RALYL: variants seen among roughly 807,000 people sequenced by gnomAD.
The protein encoded by RALYL is RNA-binding Raly-like protein.
A neutral mutation model predicts 35.1 loss-of-function variants in RALYL; 29 were observed. That is an observed-to-expected ratio of 0.83 (90% confidence interval 0.61 to 1.13). The LOEUF is 1.13. Ranked by LOEUF, RALYL falls within the 50% of genes most tolerant of loss-of-function variation. The pLI, the probability that RALYL is intolerant of heterozygous loss-of-function variation, is 0.00. For synonymous variants in RALYL, 120 were observed against 127.6 expected, an observed-to-expected ratio of 0.94 and a Z score of 0.40; for missense variants, 359 against 360.4, an observed-to-expected ratio of 1.00 and a Z score of 0.03.
intron 1 of RALYL, among the ~76,000 whole-genome samples, chr8:84,222,170 T>C (rs1822392102): frequency 6.6e-6 from 1 of 152,094 alleles, no homozygotes; most frequent in African/African-American, 2.4e-5. Context: ...AGAGGTAAAT[T>C]ACTATTATGC....
intron 1 of RALYL, among the ~76,000 whole-genome samples, chr8:84,244,073 A>AG (rs1828570076): frequency 6.6e-6 from 1 of 152,076 alleles, no homozygotes; most frequent in South Asian, 2.1e-4. Flanking sequence ...GCTTTGGGGC[A>AG]GGGGCAGGAG....
intron 2 of RALYL, among the ~76,000 whole-genome samples, chr8:84,613,695 A>G (rs1818816817): frequency 6.6e-6 from 1 of 151,516 alleles, no homozygotes; most frequent in African/African-American, 2.4e-5. Context: ...ACAATAATGT[A>G]CAGGGAAAAA....
intron 2 of RALYL, among the ~76,000 whole-genome samples, chr8:84,656,105 G>GT (rs1286249698): frequency 6.6e-6 from 1 of 151,948 alleles, no homozygotes; most frequent in Non-Finnish European, 1.5e-5. Context: ...GTTATTTTTT[G>GT]TTTGTTTTGT....
intron 1 of RALYL, among the ~76,000 whole-genome samples, chr8:84,239,271 T>G (rs1827318709): frequency 6.6e-6 from 1 of 152,180 alleles, no homozygotes; most frequent in African/African-American, 2.4e-5. Flanking sequence ...CATGGACAAC[T>G]CAAATAAAAC....
At chr8:84,605,474 C>G (rs1816902793) in intron 2 of RALYL, among the ~76,000 whole-genome samples, 1 of 152,212 alleles carries the variant, frequency 6.6e-6, no homozygotes. Context: ...AACCTCTGTG[C>G]TCCATTCACC....
At chr8:84,794,094 G>C (rs1038275344) in intron 3 of RALYL, among the ~76,000 whole-genome samples, 2 of 152,132 alleles carry the variant, frequency 1.3e-5, no homozygotes, top group Admixed American at 6.5e-5. Context: ...GAATGGATGG[G>C]GGGCAGCAGG....
chr8:84,550,634 C>A (rs559559990), intron 2 of RALYL, among the ~76,000 whole-genome samples: 2 of 151,036 alleles, frequency 1.3e-5, no homozygotes, highest in Non-Finnish European at 1.5e-5. Flanking sequence ...TTTATAAGAG[C>A]AAAAGTAGGC....
intron 1 of RALYL, among the ~76,000 whole-genome samples, chr8:84,477,936 A>G (rs370382192): frequency 6.6e-6 from 1 of 152,088 alleles, no homozygotes. Context: ...TTTTTAATAG[A>G]TAAGAAATAG....
chr8:84,420,208 T>C (rs1043349445), intron 1 of RALYL, among the ~76,000 whole-genome samples: 14 of 152,046 alleles, frequency 9.2e-5, no homozygotes, highest in African/African-American at 3.4e-4. Flanking sequence ...CCAGCACCTG[T>C]TGTTTCCTGA....
chr8:84,531,463 G>A (rs1018055510), intron 2 of RALYL, among the ~76,000 whole-genome samples: 4 of 152,028 alleles, frequency 2.6e-5, no homozygotes, highest in African/African-American at 9.7e-5. Context: ...AGGAAAGAAA[G>A]GAAGTGCTTT....
chr8:84,828,492 G>A (rs17735712), intron 4 of RALYL: 40,670 of 152,608 alleles, frequency 0.27, 6,048 homozygotes, highest in East Asian at 0.64. Context: ...ACTGGGCTAC[G>A]GCAACAAAAC....
intron 1 of RALYL, among the ~76,000 whole-genome samples, chr8:84,356,384 T>A (rs1482686296): frequency 6.6e-6 from 1 of 150,438 alleles, no homozygotes; most frequent in Non-Finnish European, 1.5e-5. Flanking sequence ...ATCAAGAAGA[T>A]CAAGAGGGTA....
Position 84,839,173 on chromosome 8 carries a change from C to T in RALYL, c.366-10807C>T, listed in dbSNP as rs529652994. Among the ~76,000 whole-genome samples the T allele has an allele frequency of 4.6e-5, 7 of 152,326 alleles. No homozygotes were observed. The South Asian group carries it at 1.5e-3, about 32-fold the overall frequency. Reference sequence around the variant, plus strand: ...TGTGAGCCAAAGCAGGGCGAGGCATCACCTCCCCCGGGAAGTGCAAGAGGT... The same window carrying T: ...TGTGAGCCAAAGCAGGGCGAGGCATTACCTCCCCCGGGAAGTGCAAGAGGT... On this transcript the variant is annotated intron_variant, in intron 4 of 8. Coordinates refer to ENST00000521268, the MANE Select transcript of RALYL (RefSeq NM_173848.7).
chr8:84,463,583 C>T lies in RALYL; in HGVS notation c.-23-65716C>T, dbSNP rs191659981. On this transcript the variant is annotated intron_variant, in intron 1 of 8. Coordinates refer to ENST00000521268, the MANE Select transcript of RALYL (RefSeq NM_173848.7). ...TTGGCATTGTGAAATTCAGATTTAG[C>T]GTGTGTCTGATACATATTAGCTGGT... Among the ~76,000 whole-genome samples the T allele has an allele frequency of 3.9e-5, 6 of 151,998 alleles. No homozygotes were observed. In the East Asian group the frequency reaches 5.8e-4, roughly 15 times the overall value.
At chr8:84,462,341 T>A (rs1428282674) in intron 1 of RALYL, among the ~76,000 whole-genome samples, 1 of 151,550 alleles carries the variant, frequency 6.6e-6, no homozygotes, top group East Asian at 1.9e-4. Flanking sequence ...GACACCAGTC[T>A]CTTTTCGGAT....
chr8:84,877,570 C>T (rs1025894764), intron 7 of RALYL, among the ~76,000 whole-genome samples: 1 of 152,072 alleles, frequency 6.6e-6, no homozygotes, highest in African/African-American at 2.4e-5. Context: ...CTCACCCCTC[C>T]AAAACCTTTG....
chr8:84,483,513 C>A (rs2054270819), intron 1 of RALYL, among the ~76,000 whole-genome samples: 1 of 152,050 alleles, frequency 6.6e-6, no homozygotes, highest in African/African-American at 2.4e-5. Flanking sequence ...CCTTAATAGT[C>A]CTCTGTTCTT....
intron 2 of RALYL, among the ~76,000 whole-genome samples, chr8:84,637,629 T>A (rs1825352208): frequency 6.6e-6 from 1 of 151,560 alleles, no homozygotes; most frequent in African/African-American, 2.4e-5. Flanking sequence ...GAATTTGGAG[T>A]GGAAGGCATG....
At chr8:84,707,634 T>TA (rs1298868656) in intron 2 of RALYL, among the ~76,000 whole-genome samples, 2 of 152,066 alleles carry the variant, frequency 1.3e-5, no homozygotes, top group South Asian at 2.1e-4. Context: ...ATGGTTCAGT[T>TA]AAAAAAACTA....
Sources: allele counts gnomAD v4.1 joint callset (sites outside exome capture counted in the v4.1 genomes callset), GRCh38; gene constraint gnomAD v4.1.1; transcripts MANE v1.5; gene names NCBI Gene and HGNC (gene_info 2026-07-23, HGNC 2026-07-21).